ZP1: variants seen among roughly 807,000 people sequenced by gnomAD.
ZP1 encodes the protein zona pellucida sperm-binding protein 1.
In ZP1, 58 loss-of-function variants were observed where a neutral mutation model predicts 67.4. The observed-to-expected ratio is 0.86, with a 90% CI of 0.70 to 1.07. The LOEUF (loss-of-function observed/expected upper bound fraction) is 1.07. Among genes scored for constraint, ZP1 ranks in the 50% least tolerant of loss-of-function variants. ZP1 has a pLI of 0.00. For missense variants in ZP1, 759 were observed against 807.3 expected, an observed-to-expected ratio of 0.94 and a Z score of 0.72; for synonymous variants, 333 against 332.7, an observed-to-expected ratio of 1.00 and a Z score of -0.01.
chr11:60,872,341 A>T (rs1381852544), intron 6 of ZP1, among the ~76,000 whole-genome samples: 1 of 152,194 alleles, frequency 6.6e-6, no homozygotes, highest in Non-Finnish European at 1.5e-5. Flanking sequence ...GGATTCTCAG[A>T]GGGAGGCAGA....
In ZP1 at chr11:60,870,321, C is replaced by T; in HGVS notation, c.683-11C>T. ...TGTGCCTTCAGCCTCATCACTCTGTCCCAACCCTAGGTACCCACCTGAGCC... is the reference window on the plus strand; with the variant it reads ...TGTGCCTTCAGCCTCATCACTCTGTTCCAACCCTAGGTACCCACCTGAGCC... On this transcript the variant is annotated splice_polypyrimidine_tract_variant and intron_variant, in intron 3 of 11. Transcript: ENST00000278853. 6.3e-7 allele frequency: 1 copy of T among 1,585,170 alleles called. No individual in the cohort carries two copies. Among genetic ancestry groups the T allele is most frequent in the Non-Finnish European group, 8.6e-7 (1 of 1,166,836 alleles).
chr11:60,873,670 G>A lies in ZP1; in HGVS notation c.1467G>A (p.Met489Ile), dbSNP rs1354008897. Residue 489 changes from methionine (M) to isoleucine (I), a missense_variant, in exon 9 of 12, where the codon ATG becomes ATA. Transcript: ENST00000278853. ...AGGGCGACAGCTACAGAACCCAAAT[G>A]GTAGCCTTGGACGGGGCCACACCTT... is the stretch of plus-strand genomic sequence containing the variant. ...PFKGDSYRTQ[M>I]VALDGATPFQ... The A allele has an allele frequency of 1.2e-6, 2 of 1,614,180 alleles. No homozygotes were observed. The highest frequency in any genetic ancestry group is 2.7e-5 in the African/African-American group (2 of 75,050).
rs768277242 is a variant in ZP1, at chr11:60,875,621, T to G, written c.1882T>G (p.Trp628Gly). 3.1e-6 allele frequency: 5 copies of G among 1,614,198 alleles called. No individual in the cohort carries two copies. Among genetic ancestry groups the G allele is most frequent in the Non-Finnish European group, 4.2e-6 (5 of 1,180,032 alleles). ...FGVFVGLSQT[W>G]AQKLWESNRQ The stretch of plus-strand genomic sequence containing the variant: ...TGTCTTTGTGGGCCTGAGCCAGACC[T>G]GGGCCCAGAAGCTCTGGGAAAGCAA... Residue 628 changes from tryptophan (W) to glycine (G), a missense_variant, in exon 12 of 12, where the codon TGG becomes GGG. Trp to Gly is a radical substitution (Grantham distance 184). Coordinates refer to ENST00000278853, the MANE Select transcript of ZP1 (RefSeq NM_207341.4).
intron 6 of ZP1, 114 bp downstream of exon 6, chr11:60,871,428 C>A: frequency 8.5e-7 from 1 of 1,180,836 alleles, no homozygotes; most frequent in Non-Finnish European, 1.2e-6. Flanking sequence ...TCTGCTGTTA[C>A]CCGGCTATGT....
At chr11:60,868,553 G>C (rs1855509154) in intron 1 of ZP1, among the ~76,000 whole-genome samples, 2 of 152,186 alleles carry the variant, frequency 1.3e-5, no homozygotes, top group South Asian at 4.1e-4. Context: ...AGATGAACCT[G>C]GCCGTGCTCA....
intron 11 of ZP1, 85 bp from the exon 12 acceptor site, chr11:60,875,429 C>G: frequency 9.6e-6 from 15 of 1,564,896 alleles, no homozygotes; most frequent in Non-Finnish European, 9.5e-6. Context: ...AGCTTCAGCT[C>G]TGCCCAGTGT....
At chr11:60,873,108 C>G (rs1322679560) in intron 6 of ZP1, 54 bp from the exon 7 acceptor site, 5 of 1,512,506 alleles carry the variant, frequency 3.3e-6, no homozygotes, top group Non-Finnish European at 4.4e-6. Context: ...ATTACGTAAA[C>G]AGGATGCTCT....
Position 60,873,419 on chromosome 11 carries a change from G to A in ZP1, c.1285G>A (p.Val429Met), listed in dbSNP as rs770365578. The change falls in exon 8 of 12, where the codon GTG (valine) becomes ATG (methionine). Residue 429 changes from valine to methionine, a missense_variant. Physicochemically the swap from Val to Met is conservative, Grantham distance 21. Transcript: ENST00000278853. Reference sequence around the variant, plus strand: ...CTATGGGGAGGATGACTATCCCATCGTGAGGCTGCTCCGAGAACCAGTCCA... The same window carrying A: ...CTATGGGGAGGATGACTATCCCATCATGAGGCTGCTCCGAGAACCAGTCCA... Reference protein sequence around the residue: ...SYYGEDDYPIVRLLREPVHVE... With the variant: ...SYYGEDDYPIMRLLREPVHVE... The A allele has an allele frequency of 1.9e-5, 30 of 1,612,418 alleles. No individual in the cohort carries two copies. The highest frequency in any genetic ancestry group is 8.9e-5 in the East Asian group (4 of 44,804).
At chr11:60,869,429 A>G in intron 2 of ZP1, 108 bp from the exon 3 acceptor site, 2 of 1,501,396 alleles carry the variant, frequency 1.3e-6, no homozygotes, top group Non-Finnish European at 1.8e-6. Flanking sequence ...ATCCACCATG[A>G]ATCCAGCTCC....
rs78525885 is a variant in ZP1 at position 60,870,810 on chromosome 11, G to C, written c.827-147G>C. The C allele has an allele frequency of 9.6e-3, 8,563 of 891,046 alleles. 72 individuals are homozygous for C. Among genetic ancestry groups the C allele is most frequent in the African/African-American group, 0.032 (1,948 of 60,076 alleles). The allele number at this position is 891,046 out of a possible 1,614,324, so 55.2% of individuals were successfully genotyped here. A position where few individuals can be genotyped will look rare whatever the true frequency, so the allele number is the denominator to read the frequency against. On this transcript the variant is annotated intron_variant, in intron 4 of 11. Transcript: ENST00000278853. ...ATGGATGAGAAAATCAGTCCATAAA[G>C]GGTTTGCTGGGGCCAACACCAGCCT...
chr11:60,873,103 G>A (rs759163462), intron 6 of ZP1, 59 bp from the exon 7 acceptor site: 103 of 1,508,040 alleles, frequency 6.8e-5, no homozygotes, highest in East Asian at 4.1e-4. Context: ...AGTTTATTAC[G>A]TAAACAGGAT....
At chr11:60,871,542 C>T (rs1255498499) in intron 6 of ZP1, among the ~76,000 whole-genome samples, 1 of 152,194 alleles carries the variant, frequency 6.6e-6, no homozygotes, top group Non-Finnish European at 1.5e-5. Context: ...CCTTCCATGC[C>T]TGGCCTGCAG....
chr11:60,875,378 TA>T (rs1855683377), intron 11 of ZP1, 130 bp downstream of exon 11: 8 of 1,509,592 alleles, frequency 5.3e-6, no homozygotes, highest in Non-Finnish European at 7.1e-6. Flanking sequence ...AGTGGGGAAC[TA>T]AGTGAAGACA....
At chr11:60,870,576 T>A in intron 4 of ZP1, 101 bp downstream of exon 4, 1 of 1,466,822 alleles carries the variant, frequency 6.8e-7, no homozygotes, top group Non-Finnish European at 9.1e-7. Context: ...ATCCTCCTCC[T>A]GGAGAGCCCA....
In ZP1 at chr11:60,867,695, T is replaced by C. The variant is rs1376538611; in HGVS notation, c.134T>C (p.Ile45Thr). The change falls in exon 1 of 12, where the codon ATC becomes ACC. Residue 45 changes from isoleucine to threonine, a missense_variant. Ile to Thr is a moderately conservative substitution (Grantham distance 89). Coordinates refer to ENST00000278853, the MANE Select transcript of ZP1 (RefSeq NM_207341.4). ...PGLRHSYDCG[I>T]KGMQLLVFPR... ...CTCCGGCACAGCTACGACTGTGGGATCAAGGGAATGCAGCTGCTGGTGTTC... is the reference window on the plus strand; with the variant it reads ...CTCCGGCACAGCTACGACTGTGGGACCAAGGGAATGCAGCTGCTGGTGTTC... 6.2e-7 allele frequency: 1 copy of C among 1,614,048 alleles called. No individual in the cohort carries two copies. Among genetic ancestry groups the C allele is most frequent in the Non-Finnish European group, 8.5e-7 (1 of 1,179,962 alleles).
rs926892507 is a variant in ZP1 at position 60,875,002 on chromosome 11, A to G, written c.1642A>G (p.Thr548Ala). ...GLETCSTACS[T>A]GTTRQRRSSG... ...GGAGACTTGCTCCACTGCATGTAGC[A>G]CTGGCACTACAAGTGAGTCTGGGTT... The change falls in exon 10 of 12, where the codon ACT becomes GCT. Residue 548 changes from threonine to alanine, a missense_variant. Coordinates refer to ENST00000278853, the MANE Select transcript of ZP1 (RefSeq NM_207341.4). The G allele has an allele frequency of 6.2e-7, 1 of 1,614,142 alleles. No homozygotes were observed. The highest frequency in any genetic ancestry group is 8.5e-7 in the Non-Finnish European group (1 of 1,180,066).
At position 60,869,885 on chromosome 11, in the gene ZP1, A is replaced by AAACG; in HGVS notation, c.669_672dup (p.Asp225ThrfsTer40). ...CACCTTGGAACACTGGGATGTGAAC[A>AAACG]AACGAGATTACATAGGTACGCAGGA... is the stretch of plus-strand genomic sequence containing the variant. On this transcript the variant is annotated frameshift_variant, in exon 3 of 12. Transcript: ENST00000278853. LOFTEE classifies it high-confidence loss of function. 6.4e-7 allele frequency: 1 copy of AAACG among 1,559,866 alleles called. No individual in the cohort carries two copies. Among genetic ancestry groups the AAACG allele is most frequent in the Non-Finnish European group, 8.7e-7 (1 of 1,150,950 alleles).
In ZP1 at chr11:60,869,387, G is replaced by A. The variant is rs929633305; in HGVS notation, c.318+121G>A. ...GAAGATCTGTTGAGCTGGTGGGTGA[G>A]GGAAACTAAGCTCTGGAAGGTACTT... On this transcript the variant is annotated intron_variant, in intron 2 of 11. Transcript: ENST00000278853. The A allele has an allele frequency of 2.8e-5, 43 of 1,513,612 alleles. No individual in the cohort carries two copies. The African/African-American group carries it at 3.2e-4, about 11-fold the overall frequency. 93.8% of individuals were successfully genotyped at this position (1,513,612 alleles called of 1,614,324 possible).
In ZP1 at chr11:60,869,242, C is replaced by T; in HGVS notation, c.294C>T (p.Tyr98=). The change falls in exon 2 of 12, where the codon TAC becomes TAT. Residue 98 remains tyrosine (Y), a synonymous_variant. Transcript: ENST00000278853. ...PQEPAVFSAD[Y]RGCHVLEKDG... ...AGCCTGCAGTCTTCTCGGCCGATTA[C>T]AGAGGCTGCCACGTGCTGGAGAAGG... 6.2e-7 allele frequency: 1 copy of T among 1,614,208 alleles called. No homozygotes were observed. The highest frequency in any genetic ancestry group is 8.5e-7 in the Non-Finnish European group (1 of 1,180,038).
Sources: allele counts gnomAD v4.1 joint callset (sites outside exome capture counted in the v4.1 genomes callset), GRCh38; gene constraint gnomAD v4.1.1; transcripts MANE v1.5; gene names NCBI Gene and HGNC (gene_info 2026-07-23, HGNC 2026-07-21).